The following MMP8 variants were observed in gnomAD, a reference collection of about 807,000 sequenced individuals.
MMP8 encodes the protein neutrophil collagenase.
In MMP8, 67 loss-of-function variants were observed where a neutral mutation model predicts 51.2. That is an observed-to-expected ratio of 1.31 (90% CI 1.08 to 1.60). The LOEUF is 1.60. MMP8 is among the 40% of genes most tolerant of loss of function. The probability of loss-of-function intolerance (pLI) is 0.00; values close to 1 mark genes in which losing one functional copy is unlikely to be tolerated. For synonymous variants in MMP8, 225 were observed against 191.0 expected, an observed-to-expected ratio of 1.18 and a Z score of -1.47; for missense variants, 654 against 558.1, an observed-to-expected ratio of 1.17 and a Z score of -1.73.
rs1861169594 is a variant in MMP8, at chr11:102,713,020, T to A, written c.*328A>T. On this transcript the variant is annotated 3_prime_UTR_variant, in exon 10 of 10. Coordinates refer to ENST00000236826, the MANE Select transcript of MMP8 (RefSeq NM_002424.3). Reference sequence around the variant, plus strand: ...TTAAGAAACTGAGGGATGTATGAAGTCAGATAGGCAAGTAATATAACAATA... The same window carrying A: ...TTAAGAAACTGAGGGATGTATGAAGACAGATAGGCAAGTAATATAACAATA... The A allele has an allele frequency of 9.8e-6, 2 of 203,236 alleles. No individual in the cohort carries two copies. Among genetic ancestry groups the A allele is most frequent in the Non-Finnish European group, 2.0e-5 (2 of 100,174 alleles). The allele number at this position is 203,236 out of a possible 1,614,324, so 12.6% of individuals were successfully genotyped here.
rs1861467458 is a variant in MMP8, at chr11:102,721,439, T to G, written c.584A>C (p.His195Pro). The G allele has an allele frequency of 1.9e-6, 3 of 1,613,824 alleles. No individual in the cohort carries two copies. Among genetic ancestry groups the G allele is most frequent in the Admixed American group, 3.3e-5 (2 of 59,974 alleles). Residue 195 changes from histidine to proline, a missense_variant, in exon 4 of 10, where the codon CAT (histidine) becomes CCT (proline). Physicochemically the swap from His to Pro is moderately conservative, Grantham distance 77 (BLOSUM62 -2). Coordinates refer to ENST00000236826, the MANE Select transcript of MMP8 (RefSeq NM_002424.3). ...QPGQGIGGDAHFDAEETWTNT... is the reference protein window; with the variant it reads ...QPGQGIGGDAPFDAEETWTNT... The stretch of plus-strand genomic sequence containing the variant: ...GGTCCATGTTTCTTCGGCATCAAAA[T>G]GAGCATCTCCTCCAATACCTTGGCC...
intron 8 of MMP8, 96 bp from the exon 9 acceptor site, chr11:102,713,953 C>T (rs957446662): frequency 1.4e-6 from 1 of 720,280 alleles, no homozygotes; most frequent in Non-Finnish European, 2.2e-6. Flanking sequence ...TCTCCTCACA[C>T]ATATTTTTTC....
chr11:102,717,344 G>C (rs1050972787), intron 5 of MMP8, among the ~76,000 whole-genome samples: 1 of 152,124 alleles, frequency 6.6e-6, no homozygotes, highest in Non-Finnish European at 1.5e-5. Flanking sequence ...AAATGTATCA[G>C]TGATGCCTTA....
intron 2 of MMP8, 67 bp from the exon 3 acceptor site, chr11:102,721,829 T>G: frequency 6.4e-7 from 1 of 1,553,860 alleles, no homozygotes; most frequent in Non-Finnish European, 8.8e-7. Context: ...AACTGATGAG[T>G]TGTTCTGTTT....
At position 102,718,438 on chromosome 11, in the gene MMP8, T is replaced by G. The variant is rs765029684; in HGVS notation, c.760A>C (p.Ile254Leu). The G allele has an allele frequency of 2.5e-6, 4 of 1,612,928 alleles. No individual in the cohort carries two copies. The highest frequency in any genetic ancestry group is 3.3e-5 in the Admixed American group (2 of 59,816). Reference protein sequence around the residue: ...TSNYSLPQDDIDGIQAIYGLS... With the variant: ...TSNYSLPQDDLDGIQAIYGLS... Reference sequence around the variant, plus strand: ...CCATAGATGGCCTGAATGCCATCGATGTCATCTTGAGGGAGTGAGTAGTTG... The same window carrying G: ...CCATAGATGGCCTGAATGCCATCGAGGTCATCTTGAGGGAGTGAGTAGTTG... Residue 254 changes from isoleucine (I) to leucine (L), a missense_variant, in exon 5 of 10, where the codon ATC becomes CTC. Transcript: ENST00000236826.
In MMP8 at chr11:102,721,393, T is replaced by G. The variant is rs1861465591; in HGVS notation, c.622+8A>C. The G allele has an allele frequency of 6.2e-7, 1 of 1,613,526 alleles. No homozygotes were observed. Among genetic ancestry groups the G allele is most frequent in the Non-Finnish European group, 8.5e-7 (1 of 1,179,656 alleles). ...AGCTGTGTGTGGACATAATCTTGAT[T>G]AACTTACTTGCGGAGGTGTTGGTCC... On this transcript the variant is annotated splice_region_variant and intron_variant, in intron 4 of 9. Coordinates refer to ENST00000236826, the MANE Select transcript of MMP8 (RefSeq NM_002424.3).
At position 102,715,751 on chromosome 11, in the gene MMP8, T is replaced by C. The variant is rs543476494; in HGVS notation, c.903-314A>G. ...ATCTTTCATTATTGCTCCCAGTAAA[T>C]GCTGTGAACATATTGATAAAAGCAA... is the stretch of plus-strand genomic sequence containing the variant. On this transcript the variant is annotated intron_variant, in intron 6 of 9. Transcript: ENST00000236826. Among the ~76,000 whole-genome samples the C allele has an allele frequency of 7.2e-5, 11 of 152,348 alleles. No homozygotes were observed. The East Asian group carries it at 2.1e-3, about 29-fold the overall frequency.
chr11:102,717,600 A>G (rs35155055), intron 5 of MMP8, among the ~76,000 whole-genome samples: 3,315 of 152,184 alleles, frequency 0.022, 42 homozygotes, highest in Non-Finnish European at 0.036. Flanking sequence ...ACATCACTTC[A>G]TGGTGTGCAG....
At position 102,721,619 on chromosome 11, in the gene MMP8, T is replaced by C. The variant is rs1262043228; in HGVS notation, c.491A>G (p.Gln164Arg). The change falls in exon 3 of 10, where the codon CAA becomes CGA. Residue 164 changes from glutamine (Q) to arginine (R), a missense_variant. Physicochemically the swap from Gln to Arg is conservative, Grantham distance 43. Transcript: ENST00000236826. ...GEADINIAFY[Q>R]RDHGDNSPFD... Reference sequence around the variant, plus strand: ...CATGACTGCTTTGTACCTACCTCTTTGGTAAAAAGCAATGTTGATATCTGC... The same window carrying C: ...CATGACTGCTTTGTACCTACCTCTTCGGTAAAAAGCAATGTTGATATCTGC... The C allele has an allele frequency of 6.2e-7, 1 of 1,613,750 alleles. No individual in the cohort carries two copies. The highest frequency in any genetic ancestry group is 8.5e-7 in the Non-Finnish European group (1 of 1,179,794).
chr11:102,724,285 T>C (rs1005486807), intron 1 of MMP8, among the ~76,000 whole-genome samples: 2 of 152,162 alleles, frequency 1.3e-5, no homozygotes, highest in Non-Finnish European at 2.9e-5. Flanking sequence ...TGCTGGGAAA[T>C]ATGATTTTAC....
Position 102,718,527 on chromosome 11 carries a change from C to A in MMP8, c.671G>T (p.Gly224Val). ...VAAHEFGHSL[G>V]LAHSSDPGAL... is the part of the protein sequence containing the mutation. The stretch of plus-strand genomic sequence containing the variant: ...ACCAGGGTCAGAGGAGTGAGCGAGC[C>A]CCAAAGAATGGCCAAATTCATGAGC... The change falls in exon 5 of 10, where the codon GGG becomes GTG. Residue 224 changes from glycine to valine, a missense_variant. By Grantham distance (109) the Gly-to-Val change is moderately radical (BLOSUM62 -3). Coordinates refer to ENST00000236826, the MANE Select transcript of MMP8 (RefSeq NM_002424.3). The A allele has an allele frequency of 6.2e-7, 1 of 1,613,810 alleles. No individual in the cohort carries two copies. Among genetic ancestry groups the A allele is most frequent in the Non-Finnish European group, 8.5e-7 (1 of 1,179,876 alleles).
chr11:102,714,611 C>A lies in MMP8; in HGVS notation c.1135G>T (p.Ala379Ser). 6.6e-7 allele frequency: 1 copy of A among 1,522,282 alleles called. No homozygotes were observed. The highest frequency in any genetic ancestry group is 1.3e-5 in the South Asian group (1 of 76,318). The allele number at this position is 1,522,282 out of a possible 1,614,324, so 94.3% of individuals were successfully genotyped here. A position where few individuals can be genotyped will look rare whatever the true frequency, so the allele number is the denominator to read the frequency against. ...GFPSSVQAID[A>S]AVFYRSKTYF... ...GTTTTACTTCTGTAGAAAACAGCTG[C>A]GTCAATTGCTTGGACGCTGCTGGGG... The change falls in exon 8 of 10, where the codon GCA (alanine) becomes TCA (serine). Residue 379 changes from alanine (A) to serine (S), a missense_variant. Ala to Ser is a moderately conservative substitution (Grantham distance 99, BLOSUM62 1). Coordinates refer to ENST00000236826, the MANE Select transcript of MMP8 (RefSeq NM_002424.3).
At chr11:102,719,370 T>C (rs1861403289) in intron 4 of MMP8, among the ~76,000 whole-genome samples, 2 of 149,396 alleles carry the variant, frequency 1.3e-5, no homozygotes, top group African/African-American at 5.2e-5. Flanking sequence ...AACACACTGA[T>C]GCATTTTTGT....
rs754346350 is a variant in MMP8 at position 102,718,551 on chromosome 11, G to A, written c.647C>T (p.Ala216Val). ...CCCCAAAGAATGGCCAAATTCATGA[G>A]CAGCAACAAGAAACAAGTTGTAATC... ...SANYNLFLVA[A>V]HEFGHSLGLA... The change falls in exon 5 of 10, where the codon GCT (alanine) becomes GTT (valine). Residue 216 changes from alanine (A) to valine (V), a missense_variant. By Grantham distance (64) the Ala-to-Val change is moderately conservative (BLOSUM62 0). Coordinates refer to ENST00000236826, the MANE Select transcript of MMP8 (RefSeq NM_002424.3). 4 of 1,613,792 alleles carry A rather than the reference G, an allele frequency of 2.5e-6. No individual in the cohort carries two copies. The highest frequency in any genetic ancestry group is 1.7e-6 in the Non-Finnish European group (2 of 1,179,872).
At position 102,717,553 on chromosome 11, in the gene MMP8, C is replaced by T. The variant is rs1175581991; in HGVS notation, c.784+861G>A. Reference sequence around the variant, plus strand: ...TTTTAAAGACCCATCTGTACTGTTGCCATATGTGCATCTAGTACCATGTTT... The same window carrying T: ...TTTTAAAGACCCATCTGTACTGTTGTCATATGTGCATCTAGTACCATGTTT... On this transcript the variant is annotated intron_variant, in intron 5 of 9. Coordinates refer to ENST00000236826, the MANE Select transcript of MMP8 (RefSeq NM_002424.3). 2.6e-5 allele frequency among the ~76,000 whole-genome samples: 4 copies of T among 152,118 alleles called. No individual in the cohort carries two copies. In the South Asian group the frequency reaches 6.2e-4, roughly 24 times the overall value.
intron 5 of MMP8, among the ~76,000 whole-genome samples, chr11:102,717,287 T>C (rs1861326621): frequency 6.6e-6 from 1 of 152,190 alleles, no homozygotes; most frequent in Admixed American, 6.5e-5. Flanking sequence ...AGAGATGTAA[T>C]GGTCTTATCC....
rs1174498844 is a variant in MMP8 at position 102,721,738 on chromosome 11, C to T, written c.372G>A (p.Leu124=). 1 of 1,613,738 alleles carries T rather than the reference C, an allele frequency of 6.2e-7. No homozygotes were observed. Among genetic ancestry groups the T allele is most frequent in the Non-Finnish European group, 8.5e-7 (1 of 1,179,784 alleles). Residue 124 remains leucine, a synonymous_variant, in exon 3 of 10, where the codon CTG becomes CTA. Coordinates refer to ENST00000236826, the MANE Select transcript of MMP8 (RefSeq NM_002424.3). ...TAGCTCTTTCTACCTCAGCCTCTGA[C>T]AGCTGTGGGGTATAGTTTCGAATCC... ...TYRIRNYTPQ[L]SEAEVERAIK... is the part of the protein sequence containing the mutation.
Position 102,713,475 on chromosome 11 carries a change from T to A in MMP8, c.1295-18A>T. ...GAAGAAATCTATAAAAAAAGAGAGATAATTTATTGAATTAGCTTATAGAAT... is the reference window on the plus strand; with the variant it reads ...GAAGAAATCTATAAAAAAAGAGAGAAAATTTATTGAATTAGCTTATAGAAT... On this transcript the variant is annotated intron_variant, in intron 9 of 9. Coordinates refer to ENST00000236826, the MANE Select transcript of MMP8 (RefSeq NM_002424.3). The A allele has an allele frequency of 6.4e-7, 1 of 1,569,474 alleles. No homozygotes were observed. Among genetic ancestry groups the A allele is most frequent in the Admixed American group, 1.7e-5 (1 of 59,820 alleles).
chr11:102,716,101 T>C (rs748485388), intron 6 of MMP8, among the ~76,000 whole-genome samples: 2 of 152,044 alleles, frequency 1.3e-5, no homozygotes, highest in Non-Finnish European at 2.9e-5. Flanking sequence ...GTACAAATAG[T>C]CTTTAAAAGA....
Sources: allele counts gnomAD v4.1 joint callset (sites outside exome capture counted in the v4.1 genomes callset), GRCh38; gene constraint gnomAD v4.1.1; transcripts MANE v1.5; gene names NCBI Gene and HGNC (gene_info 2026-07-23, HGNC 2026-07-21).